Variants in MAGI2 observed in about 807,000 individuals in gnomAD.
The protein encoded by MAGI2 is membrane associated guanylate kinase, WW and PDZ domain containing 2, also known as membrane-associated guanylate kinase, WW and PDZ domain-containing protein 2.
MAGI2 carries 35 observed loss-of-function variants against 133.3 expected under a neutral mutation model. That is an observed-to-expected ratio of 0.26 (90% CI 0.20 to 0.35). MAGI2 has a LOEUF of 0.35. Among genes scored for constraint, MAGI2 ranks in the 10% least tolerant of loss-of-function variants. The pLI is 1.00. For synonymous variants in MAGI2, 729 were observed against 710.6 expected, an observed-to-expected ratio of 1.03 and a Z score of -0.41; for missense variants, 1,636 against 1,863.4, an observed-to-expected ratio of 0.88 and a Z score of 2.25.
intron 7 of MAGI2, chr7:78,351,895 G>C (rs748393389): frequency 6.6e-6 from 1 of 152,146 alleles, no homozygotes; most frequent in Non-Finnish European, 1.5e-5. Flanking sequence ...AGACAGGATA[G>C]TATAATTATG....
chr7:79,337,556 T>C (rs375146529), intron 1 of MAGI2, among the ~76,000 whole-genome samples: 2 of 152,206 alleles, frequency 1.3e-5, no homozygotes, highest in African/African-American at 4.8e-5. Context: ...GGTTCAAGTT[T>C]GTGAACAAAA....
chr7:78,037,076 C>T (rs1232455534), intron 21 of MAGI2, among the ~76,000 whole-genome samples: 1 of 152,076 alleles, frequency 6.6e-6, no homozygotes, highest in Non-Finnish European at 1.5e-5. Flanking sequence ...TGGATAACCC[C>T]CCTGTGCAAG....
chr7:78,725,523 G>T (rs1445346978), intron 2 of MAGI2, among the ~76,000 whole-genome samples: 1 of 152,244 alleles, frequency 6.6e-6, no homozygotes, highest in East Asian at 1.9e-4. Context: ...ACTAGGCCAG[G>T]CACGGTGGCT....
intron 1 of MAGI2, among the ~76,000 whole-genome samples, chr7:79,443,285 C>CGTGTGTGTGTGT (rs10600873): frequency 1.4e-4 from 19 of 139,426 alleles, no homozygotes; most frequent in African/African-American, 5.1e-4. Flanking sequence ...TGTGTGTGTG[C>CGTGTGTGTGTGT]GTGTGTGTGT....
chr7:79,286,514 AATC>A (rs1490029914), intron 1 of MAGI2, among the ~76,000 whole-genome samples: 7 of 152,164 alleles, frequency 4.6e-5, no homozygotes, highest in Non-Finnish European at 1.0e-4. Context: ...TGGGGGAAAA[AATC>A]AATCAATGAT....
intron 11 of MAGI2, among the ~76,000 whole-genome samples, chr7:78,196,973 G>T (rs1255421559): frequency 6.6e-6 from 1 of 152,218 alleles, no homozygotes; most frequent in Non-Finnish European, 1.5e-5. Flanking sequence ...GAACCACCCT[G>T]TAACTCTAAC....
intron 2 of MAGI2, among the ~76,000 whole-genome samples, chr7:78,891,836 T>C (rs1489212634): frequency 6.6e-6 from 1 of 152,170 alleles, no homozygotes; most frequent in Non-Finnish European, 1.5e-5. Context: ...GGATGCCCTC[T>C]CTCACCACTC....
At position 78,411,994 on chromosome 7, in the gene MAGI2, T is replaced by A. The variant is rs114424401; in HGVS notation, c.1046-42781A>T. 6.7e-3 allele frequency among the ~76,000 whole-genome samples: 1,016 copies of A among 152,182 alleles called. 9 individuals carry two copies. The highest frequency in any genetic ancestry group is 0.023 in the African/African-American group (935 of 41,552). On this transcript the variant is annotated intron_variant, in intron 6 of 21. Transcript: ENST00000354212. ...AGGCTTTGGCAATTTAAAACTGTTTTCTTTATTGTAATAAAATCTTACATT... is the reference window on the plus strand; with the variant it reads ...AGGCTTTGGCAATTTAAAACTGTTTACTTTATTGTAATAAAATCTTACATT...
intron 1 of MAGI2, among the ~76,000 whole-genome samples, chr7:79,103,524 G>T (rs1394681432): frequency 1.3e-5 from 2 of 151,876 alleles, no homozygotes; most frequent in African/African-American, 4.8e-5. Flanking sequence ...TTGAAAAAGG[G>T]GTCATAAGGT....
intron 1 of MAGI2, among the ~76,000 whole-genome samples, chr7:79,103,959 C>T (rs1021604281): frequency 2.6e-5 from 4 of 152,150 alleles, no homozygotes; most frequent in Non-Finnish European, 4.4e-5. Context: ...CCTCGGCCTC[C>T]TAAGGTGCTG....
In MAGI2 at chr7:79,129,739, A is replaced by G. The variant is rs141964919; in HGVS notation, c.302-122533T>C. On this transcript the variant is annotated intron_variant, in intron 1 of 21. Coordinates refer to ENST00000354212, the MANE Select transcript of MAGI2 (RefSeq NM_012301.4). ...ATGCAAAATGACAAAAAGACCAAAG[A>G]TATTATAGTATTAAATGAAAAATTC... 9.7e-3 allele frequency among the ~76,000 whole-genome samples: 1,481 copies of G among 152,294 alleles called. 8 individuals are homozygous for G. The highest frequency in any genetic ancestry group is 0.015 in the Non-Finnish European group (1,050 of 68,020).
chr7:78,750,202 G>A (rs1823318003), intron 2 of MAGI2, among the ~76,000 whole-genome samples: 1 of 152,194 alleles, frequency 6.6e-6, no homozygotes, highest in South Asian at 2.1e-4. Context: ...CCTGGCAGAA[G>A]ATATGAACTC....
intron 1 of MAGI2, among the ~76,000 whole-genome samples, chr7:79,434,328 G>A (rs10953862): frequency 0.79 from 120,244 of 151,606 alleles, 47,792 homozygotes; most frequent in African/African-American, 0.84. Context: ...AATCACAGAA[G>A]GTATAGATTA....
chr7:78,095,016 A>G (rs1339701931), intron 20 of MAGI2, among the ~76,000 whole-genome samples: 1 of 151,964 alleles, frequency 6.6e-6, no homozygotes, highest in Non-Finnish European at 1.5e-5. Flanking sequence ...GGGACAACAT[A>G]CCCTAGAGAG....
intron 2 of MAGI2, among the ~76,000 whole-genome samples, chr7:78,782,324 C>T (rs999610660): frequency 3.9e-5 from 6 of 152,214 alleles, no homozygotes; most frequent in Non-Finnish European, 7.3e-5. Context: ...CTTCTAGCCT[C>T]GTCTTTCCAT....
intron 2 of MAGI2, among the ~76,000 whole-genome samples, chr7:78,786,774 T>C (rs1026293625): frequency 6.6e-6 from 1 of 152,212 alleles, no homozygotes; most frequent in Non-Finnish European, 1.5e-5. Context: ...TGCTTACTAC[T>C]ACGTATTTCA....
At chr7:78,050,610 G>A (rs758295507) in intron 21 of MAGI2, among the ~76,000 whole-genome samples, 1 of 152,178 alleles carries the variant, frequency 6.6e-6, no homozygotes, top group Non-Finnish European at 1.5e-5. Context: ...GAATTGAAAC[G>A]TTTGTTTCTC....
intron 7 of MAGI2, chr7:78,358,726 C>A: frequency 4.6e-6 from 1 of 216,680 alleles, no homozygotes; most frequent in Non-Finnish European, 9.1e-6. Context: ...TAGTGACAGC[C>A]ACCATGGGGG....
intron 1 of MAGI2, among the ~76,000 whole-genome samples, chr7:79,082,649 C>T (rs768464653): frequency 1.6e-4 from 25 of 152,008 alleles, no homozygotes; most frequent in South Asian, 8.3e-4. Flanking sequence ...AGCTCTGCTA[C>T]TTTATTTTTA....
Sources: gnomAD v4.1 joint callset for allele counts (sites outside exome capture counted in the v4.1 genomes callset) on GRCh38, gnomAD v4.1.1 for gene constraint, MANE v1.5 for transcripts, NCBI Gene and HGNC (gene_info 2026-07-23, HGNC 2026-07-21) for gene names.